Variants in KCNAB2 observed in about 807,000 individuals in gnomAD.
KCNAB2 encodes the protein voltage-gated potassium channel subunit beta-2.
KCNAB2 carries 29 observed loss-of-function variants against 63.6 expected under a neutral mutation model. The ratio of observed to expected loss-of-function variants is 0.46; its 90% CI spans 0.34 to 0.62. The LOEUF (loss-of-function observed/expected upper bound fraction) is 0.62, where lower values mean the gene tolerates loss of function less well. Among genes scored for constraint, KCNAB2 ranks in the 20% least tolerant of loss-of-function variants. The pLI is 0.01. For missense variants in KCNAB2, 359 were observed against 563.9 expected (o/e 0.64, Z 3.68); for synonymous variants, 222 against 224.2 (o/e 0.99, Z 0.09).
chr1:6,038,464 T>A (rs1431411118), intron 1 of KCNAB2, among the ~76,000 whole-genome samples: 1 of 152,118 alleles, frequency 6.6e-6, no homozygotes, highest in African/African-American at 2.4e-5. Flanking sequence ...CTAATTTTTT[T>A]ATTTTTTAAT....
intron 1 of KCNAB2, among the ~76,000 whole-genome samples, chr1:6,017,890 T>C (rs1176301365): frequency 6.6e-6 from 1 of 150,476 alleles, no homozygotes; most frequent in Non-Finnish European, 1.5e-5. Flanking sequence ...CTGGAGGAGA[T>C]GTTGTCCTGG....
rs1336338371 is a variant in KCNAB2 at position 6,035,128 on chromosome 1, A to C, written c.-53+334A>C. Among the ~76,000 whole-genome samples, 1 of 151,956 alleles carries C rather than the reference A, an allele frequency of 6.6e-6. No individual in the cohort carries two copies. Among genetic ancestry groups the C allele is most frequent in the African/African-American group, 2.4e-5 (1 of 41,330 alleles). On this transcript the variant is annotated intron_variant, in intron 1 of 15. Coordinates refer to the KCNAB2 transcript ENST00000164247. This position sits in a 1 kb window ranked among gnomAD's most constrained non-coding sequence, Gnocchi z 5.0. ...TGCTCAGGCAGACCACGGTGGTCAG[A>C]AGTTGAATTCGGGCCGGAGGAGGAG...
chr1:6,095,981 G>A (rs1665600333), intron 13 of KCNAB2: 2 of 428,076 alleles, frequency 4.7e-6, no homozygotes, highest in Admixed American at 2.6e-5. Flanking sequence ...TGGGCTCCGA[G>A]ATGGGGGCTG....
intron 1 of KCNAB2, among the ~76,000 whole-genome samples, chr1:6,029,082 C>T (rs1659404372): frequency 6.6e-6 from 1 of 152,114 alleles, no homozygotes; most frequent in Non-Finnish European, 1.5e-5. Flanking sequence ...GAGATCAAGA[C>T]CATCCTGGCC....
chr1:6,095,276 G>A (rs1016280983), intron 11 of KCNAB2, 47 bp from the exon 12 acceptor site: 57 of 1,559,548 alleles, frequency 3.7e-5, no homozygotes, highest in African/African-American at 1.1e-4. Flanking sequence ...GCAGCCTCCC[G>A]CCTGCTCACA....
chr1:5,996,219 C>T (rs1329313340), intron 1 of KCNAB2: 1 of 152,752 alleles, frequency 6.5e-6, no homozygotes, highest in Non-Finnish European at 1.5e-5. Context: ...TGTCACTGCC[C>T]ACTGGCTCGA....
rs11578383 is a variant in KCNAB2 at position 6,074,930 on chromosome 1, G to A, written c.300+1160G>A. Among the ~76,000 whole-genome samples, 1 of 151,162 alleles carries A rather than the reference G, an allele frequency of 6.6e-6. No individual in the cohort carries two copies. Among genetic ancestry groups the A allele is most frequent in the South Asian group, 2.1e-4 (1 of 4,768 alleles). ...GATCATATCACTGCACTCCAGCCTA[G>A]GCCGTAGAGTAAGACTCTGTCTCGA... is the stretch of plus-strand genomic sequence containing the variant. On this transcript the variant is annotated intron_variant, in intron 4 of 15. Transcript: ENST00000378083. The surrounding 1 kb of genome is among the most constrained non-coding windows in gnomAD (Gnocchi z 4.9).
intron 1 of KCNAB2, among the ~76,000 whole-genome samples, chr1:5,999,262 G>A (rs7524865): frequency 0.17 from 26,548 of 152,158 alleles, 2,551 homozygotes; most frequent in Non-Finnish European, 0.23. Context: ...TGAGATATCG[G>A]TGTGCCCAGC....
Position 6,082,219 on chromosome 1 carries a change from G to A in KCNAB2, c.325G>A (p.Ala109Thr). ...GATGGCAGAGCAGCTCATGACCTTG[G>A]CCTATGATAATGGCATCAACCTCTT... ...DEMAEQLMTL[A>T]YDNGINLFDT... is the part of the protein sequence containing the mutation. The change falls in exon 5 of 16, where the codon GCC becomes ACC. Residue 109 changes from alanine to threonine, a missense_variant. Coordinates refer to ENST00000378083, the MANE Select transcript of KCNAB2 (RefSeq NM_001199862.2). 1 of 1,613,984 alleles carries A rather than the reference G, an allele frequency of 6.2e-7. No homozygotes were observed. The highest frequency in any genetic ancestry group is 8.5e-7 in the Non-Finnish European group (1 of 1,179,876).
rs1659339695 is a variant in KCNAB2, at chr1:6,028,256, C to T, written c.-52-12261C>T. Among the ~76,000 whole-genome samples, 1 of 152,176 alleles carries T rather than the reference C, an allele frequency of 6.6e-6. No individual in the cohort carries two copies. Among genetic ancestry groups the T allele is most frequent in the Non-Finnish European group, 1.5e-5 (1 of 68,014 alleles). On this transcript the variant is annotated intron_variant, in intron 1 of 16. Coordinates refer to the KCNAB2 transcript ENST00000341524. The surrounding 1 kb of genome is among the most constrained non-coding windows in gnomAD (Gnocchi z 4.0). ...AGGGGAAGTGTGTGTTGTGTAAGTG[C>T]CCTTCTGTGTCATGCGGTTTTGAGC...
intron 1 of KCNAB2, among the ~76,000 whole-genome samples, chr1:6,020,465 T>C (rs1182774217): frequency 6.6e-6 from 1 of 151,974 alleles, no homozygotes; most frequent in East Asian, 1.9e-4. Flanking sequence ...AACCTGATAC[T>C]CAGCCTCTTC....
intron 1 of KCNAB2, among the ~76,000 whole-genome samples, chr1:6,038,098 C>T (rs1660201629): frequency 6.6e-6 from 1 of 150,558 alleles, no homozygotes; most frequent in African/African-American, 2.4e-5. Flanking sequence ...AGGATGGTCT[C>T]GATCTCCTGA....
intron 10 of KCNAB2, among the ~76,000 whole-genome samples, chr1:6,093,069 G>T (rs1350996983): frequency 6.6e-6 from 1 of 152,234 alleles, no homozygotes; most frequent in African/African-American, 2.4e-5. Context: ...TGGCCTCGTT[G>T]CCATTCCAGG....
At position 6,096,568 on chromosome 1, in the gene KCNAB2, C is replaced by A; in HGVS notation, c.949-68C>A. 6.5e-7 allele frequency: 1 copy of A among 1,544,918 alleles called. No individual in the cohort carries two copies. The highest frequency in any genetic ancestry group is 8.8e-7 in the Non-Finnish European group (1 of 1,141,756). Reference sequence around the variant, plus strand: ...CCAGAAGGAATGAGCCCATCGGCCCCCTGCACGTGGGGGTCCAGGTGACCT... The same window carrying A: ...CCAGAAGGAATGAGCCCATCGGCCCACTGCACGTGGGGGTCCAGGTGACCT... On this transcript the variant is annotated intron_variant, in intron 13 of 15. Coordinates refer to ENST00000378083, the MANE Select transcript of KCNAB2 (RefSeq NM_001199862.2). The surrounding 1 kb of genome is among the most constrained non-coding windows in gnomAD (Gnocchi z 5.9).
intron 6 of KCNAB2, among the ~76,000 whole-genome samples, chr1:6,085,563 C>T (rs1557501919): frequency 6.6e-6 from 1 of 152,106 alleles, no homozygotes; most frequent in African/African-American, 2.4e-5. Flanking sequence ...AAGAGCTTGG[C>T]GTGAGAACGG....
intron 8 of KCNAB2, among the ~76,000 whole-genome samples, chr1:6,089,848 C>T (rs1665031524): frequency 6.6e-6 from 1 of 152,242 alleles, no homozygotes. Context: ...CAGGTGCCCA[C>T]CACCACATCT....
chr1:6,082,411 A>T, intron 5 of KCNAB2, 137 bp downstream of exon 5: 1 of 682,072 alleles, frequency 1.5e-6, no homozygotes, highest in Non-Finnish European at 2.6e-6. Flanking sequence ...TAAACTCTGA[A>T]TGGCTTTAGG....
At chr1:6,004,074 G>A (rs1031692113) in intron 1 of KCNAB2, among the ~76,000 whole-genome samples, 5 of 152,146 alleles carry the variant, frequency 3.3e-5, no homozygotes, top group African/African-American at 4.8e-5. Flanking sequence ...GATCACAAAC[G>A]CAAATACAGA....
rs76597089 is a variant in KCNAB2 at position 6,003,177 on chromosome 1, G to A, written c.-53+10389G>A. Among the ~76,000 whole-genome samples the A allele has an allele frequency of 3.5e-3, 540 of 152,290 alleles. 21 individuals are homozygous for A. In the East Asian group the frequency reaches 0.096, roughly 27 times the overall value. ...AGGTAAAGGGAAACCACATGGGGGC[G>A]AGGCCAGCGCACAGCCCCAGCAGCC... On this transcript the variant is annotated intron_variant, in intron 1 of 16. Coordinates refer to the KCNAB2 transcript ENST00000341524. The surrounding 1 kb of genome is among the most constrained non-coding windows in gnomAD (Gnocchi z 4.1).
Sources: gnomAD v4.1 joint callset for allele counts (sites outside exome capture counted in the v4.1 genomes callset) on GRCh38, gnomAD v4.1.1 for gene constraint, Gnocchi (gnomAD v3.1) non-coding constraint, MANE v1.5 for transcripts, NCBI Gene and HGNC (gene_info 2026-07-23, HGNC 2026-07-21) for gene names.